The following FAM184B variants were observed in gnomAD, a reference collection of about 807,000 sequenced individuals.
FAM184B encodes the protein protein FAM184B.
FAM184B carries 111 observed loss-of-function variants against 135.9 expected under a neutral mutation model. The observed-to-expected ratio is 0.82, with a 90% CI of 0.70 to 0.96. The LOEUF (loss-of-function observed/expected upper bound fraction) is 0.96, where lower values mean the gene tolerates loss of function less well. Among genes scored for constraint, FAM184B ranks in the 40% least tolerant of loss-of-function variants. The probability of loss-of-function intolerance (pLI) is 0.00; values close to 1 mark genes in which losing one functional copy is unlikely to be tolerated. For missense variants in FAM184B, 1,375 were observed against 1,323.9 expected (o/e 1.04, Z -0.60); for synonymous variants, 552 against 524.8 (o/e 1.05, Z -0.71).
rs1335429660 is a variant in FAM184B at position 17,709,116 on chromosome 4, T to C, written c.670A>G (p.Thr224Ala). ...ATGGCCTCGTTTTCCCTCTCGTAGG[T>C]GGCCTGCAGCTCCTCGGCCTTGCGG... Reference protein sequence around the residue: ...YARKAEELQATYERENEAIRQ... With the variant: ...YARKAEELQAAYERENEAIRQ... Residue 224 changes from threonine (T) to alanine (A), a missense_variant, in exon 2 of 18, where the codon ACC (threonine) becomes GCC (alanine). Physicochemically the swap from Thr to Ala is moderately conservative, Grantham distance 58. Coordinates refer to ENST00000265018, the MANE Select transcript of FAM184B (RefSeq NM_015688.2). 1.3e-6 allele frequency: 2 copies of C among 1,549,206 alleles called. No individual in the cohort carries two copies. Among genetic ancestry groups the C allele is most frequent in the South Asian group, 1.2e-5 (1 of 84,062 alleles).
At chr4:17,666,497 T>G (rs9995711) in intron 7 of FAM184B, among the ~76,000 whole-genome samples, 2 of 126,044 alleles carry the variant, frequency 1.6e-5, no homozygotes, top group South Asian at 5.1e-4. Context: ...TTTTTTTTGG[T>G]ATTTTTAGTA....
intron 13 of FAM184B, among the ~76,000 whole-genome samples, chr4:17,640,006 T>G (rs1715260503): frequency 6.6e-6 from 1 of 151,574 alleles, no homozygotes; most frequent in Non-Finnish European, 1.5e-5. Flanking sequence ...TTTTTTGTAT[T>G]TTTAGTAAAG....
intron 7 of FAM184B, among the ~76,000 whole-genome samples, chr4:17,684,484 C>A (rs893153300): frequency 6.6e-6 from 1 of 152,076 alleles, no homozygotes; most frequent in African/African-American, 2.4e-5. Context: ...AAAGAACAAA[C>A]AATATCTGCA....
chr4:17,739,630 C>T lies in FAM184B; in HGVS notation c.142-29986G>A, dbSNP rs536370479. Among the ~76,000 whole-genome samples the T allele has an allele frequency of 4.1e-5, 6 of 146,768 alleles. No individual in the cohort carries two copies. The South Asian group carries it at 1.1e-3, about 27-fold the overall frequency. On this transcript the variant is annotated intron_variant, in intron 1 of 17. Coordinates refer to ENST00000265018, the MANE Select transcript of FAM184B (RefSeq NM_015688.2). ...GTGCAGTGGCGCCATCTTGGCTCAC[C>T]GGCAACCTCTGCCTCCCAGGTTCAA...
intron 7 of FAM184B, among the ~76,000 whole-genome samples, chr4:17,664,998 A>G (rs1457561355): frequency 6.6e-6 from 1 of 152,172 alleles, no homozygotes; most frequent in Non-Finnish European, 1.5e-5. Context: ...GAAATATGCA[A>G]CCGGATAATA....
chr4:17,720,687 A>T (rs188916735), intron 1 of FAM184B, among the ~76,000 whole-genome samples: 77 of 151,962 alleles, frequency 5.1e-4, no homozygotes, highest in African/African-American at 1.7e-3. Context: ...GGAGTTCAAG[A>T]CCATCCTGGC....
At chr4:17,756,539 A>G (rs1213076098) in intron 1 of FAM184B, among the ~76,000 whole-genome samples, 1 of 152,206 alleles carries the variant, frequency 6.6e-6, no homozygotes, top group Admixed American at 6.5e-5. Context: ...ACAATCAAGC[A>G]TTTGTTTTGC....
In FAM184B at chr4:17,742,157, TATATATATATA is replaced by T. The variant is rs1247937200; in HGVS notation, c.142-32524_142-32514del. 4.2e-3 allele frequency among the ~76,000 whole-genome samples: 445 copies of T among 105,750 alleles called. 5 individuals are homozygous for T. The highest frequency in any genetic ancestry group is 0.013 in the African/African-American group (328 of 25,662). 69.4% of individuals were successfully genotyped at this position (105,750 alleles called of 152,430 possible). A position where few individuals can be genotyped will look rare whatever the true frequency, so the allele number is the denominator to read the frequency against. The stretch of plus-strand genomic sequence containing the variant: ...ATATGAATATATATATATATATATA[TATATATATATA>T]TTTTTTTTTTTTAAAGAGGCTGGCC... On this transcript the variant is annotated intron_variant, in intron 1 of 17. Transcript: ENST00000265018.
chr4:17,652,146 T>TTTTTTTTTAG (rs762642185), intron 11 of FAM184B, among the ~76,000 whole-genome samples: 2 of 131,934 alleles, frequency 1.5e-5, no homozygotes, highest in Non-Finnish European at 3.2e-5. Flanking sequence ...TTTTTTTTTT[T>TTTTTTTTTAG]TTGAGTCTTG....
chr4:17,756,348 T>A (rs1436968349), intron 1 of FAM184B, among the ~76,000 whole-genome samples: 2 of 152,196 alleles, frequency 1.3e-5, no homozygotes, highest in Non-Finnish European at 2.9e-5. Flanking sequence ...TTAGTCAATT[T>A]GAACATCAAA....
intron 7 of FAM184B, among the ~76,000 whole-genome samples, chr4:17,674,294 T>C (rs1372670077): frequency 2.0e-5 from 3 of 152,142 alleles, no homozygotes; most frequent in African/African-American, 7.2e-5. Context: ...CACACAACTT[T>C]TTTTGTTTCC....
At position 17,709,023 on chromosome 4, in the gene FAM184B, G is replaced by A. The variant is rs866453747; in HGVS notation, c.763C>T (p.Arg255Cys). The A allele has an allele frequency of 6.5e-7, 1 of 1,550,240 alleles. No homozygotes were observed. ...GACTCCTGGACCTGGAAGTTCTTGC[G>A]GAGGTCCGACTCCTTCTCCTGCCAC... ...WQWQEKESDLRKNFQVQESAL... is the reference protein window; with the variant it reads ...WQWQEKESDLCKNFQVQESAL... The change falls in exon 2 of 18, where the codon CGC becomes TGC. Residue 255 changes from arginine (R) to cysteine (C), a missense_variant. Transcript: ENST00000265018.
At chr4:17,729,939 A>G (rs1188851938) in intron 1 of FAM184B, among the ~76,000 whole-genome samples, 2 of 152,258 alleles carry the variant, frequency 1.3e-5, no homozygotes, top group Non-Finnish European at 2.9e-5. Context: ...AGCTGAGAGA[A>G]GAAGGCTTCA....
chr4:17,688,771 A>C (rs1392131464), intron 6 of FAM184B, among the ~76,000 whole-genome samples: 4 of 136,542 alleles, frequency 2.9e-5, no homozygotes, highest in Non-Finnish European at 4.6e-5. Context: ...GGCTTACTGC[A>C]ACCTCCACCT....
At position 17,709,580 on chromosome 4, in the gene FAM184B, G is replaced by A. The variant is rs762801411; in HGVS notation, c.206C>T (p.Ala69Val). Reference sequence around the variant, plus strand: ...CGCATTCTGGAGCTCCTCCTGGTGCGCTTCCCGCAGCGCCTCCATGCTGGC... The same window carrying A: ...CGCATTCTGGAGCTCCTCCTGGTGCACTTCCCGCAGCGCCTCCATGCTGGC... ...AEASMEALRE[A>V]HQEELQNAVA... Residue 69 changes from alanine (A) to valine (V), a missense_variant, in exon 2 of 18, where the codon GCG becomes GTG. Transcript: ENST00000265018. 1 of 1,546,842 alleles carries A rather than the reference G, an allele frequency of 6.5e-7. No homozygotes were observed. Among genetic ancestry groups the A allele is most frequent in the South Asian group, 1.2e-5 (1 of 83,372 alleles).
At position 17,657,261 on chromosome 4, in the gene FAM184B, A is replaced by G. The variant is rs1208915070; in HGVS notation, c.2037+1089T>C. Among the ~76,000 whole-genome samples the G allele has an allele frequency of 2.0e-5, 3 of 152,200 alleles. No homozygotes were observed. In the East Asian group the frequency reaches 5.8e-4, roughly 29 times the overall value. On this transcript the variant is annotated intron_variant, in intron 10 of 17. Coordinates refer to ENST00000265018, the MANE Select transcript of FAM184B (RefSeq NM_015688.2). ...ACAGTGCAATTTTCCACATGGCCAA[A>G]TCTGTCAGAGAATCCATCAGTTTTG... is the stretch of plus-strand genomic sequence containing the variant.
chr4:17,632,692 C>T (rs1268350040), intron 17 of FAM184B, 67 bp from the exon 18 acceptor site: 1 of 1,058,640 alleles, frequency 9.4e-7, no homozygotes, highest in Admixed American at 2.3e-5. Context: ...TAATACCCAC[C>T]ATCTTTTCAG....
chr4:17,764,967 A>G (rs536113822), intron 1 of FAM184B, among the ~76,000 whole-genome samples: 1 of 152,236 alleles, frequency 6.6e-6, no homozygotes, highest in African/African-American at 2.4e-5. Flanking sequence ...TCAGGAGGCT[A>G]AGGTGGGAGG....
At chr4:17,746,107 C>T (rs1479456911) in intron 1 of FAM184B, among the ~76,000 whole-genome samples, 2 of 151,950 alleles carry the variant, frequency 1.3e-5, no homozygotes, top group East Asian at 2.0e-4. Flanking sequence ...TACAGGAGGC[C>T]GCCACCACAC....
Sources: gnomAD v4.1 joint callset for allele counts (sites outside exome capture counted in the v4.1 genomes callset) on GRCh38, gnomAD v4.1.1 for gene constraint, MANE v1.5 for transcripts, NCBI Gene and HGNC (gene_info 2026-07-23, HGNC 2026-07-21) for gene names.